Variants in PLCL2 observed in about 807,000 individuals in gnomAD.
PLCL2 encodes the protein phospholipase C like 2.
A neutral mutation model predicts 79.6 loss-of-function variants in PLCL2; 4 were observed. The ratio of observed to expected loss-of-function variants is 0.05; its 90% CI spans 0.02 to 0.11. The LOEUF (loss-of-function observed/expected upper bound fraction) is 0.11, where lower values mean the gene tolerates loss of function less well. Among genes scored for constraint, PLCL2 ranks in the 10% least tolerant of loss-of-function variants. The pLI is 1.00. For missense variants in PLCL2, 895 were observed against 1,291.0 expected, an observed-to-expected ratio of 0.69 and a Z score of 4.70; for synonymous variants, 484 against 457.7, an observed-to-expected ratio of 1.06 and a Z score of -0.73.
intron 4 of PLCL2, among the ~76,000 whole-genome samples, chr3:17,050,945 A>G (rs115193752): frequency 0.011 from 1,646 of 152,344 alleles, 32 homozygotes; most frequent in African/African-American, 0.038. Flanking sequence ...CTTATACACA[A>G]TGGAGTGCTA....
chr3:17,038,504 A>G (rs903982810), intron 3 of PLCL2, among the ~76,000 whole-genome samples: 2 of 152,172 alleles, frequency 1.3e-5, no homozygotes, highest in Non-Finnish European at 2.9e-5. Context: ...AACAAGATAA[A>G]GTAGTTTTTT....
chr3:16,938,935 C>T (rs76233581), intron 1 of PLCL2, among the ~76,000 whole-genome samples: 3,175 of 152,320 alleles, frequency 0.021, 54 homozygotes, highest in South Asian at 0.043. Flanking sequence ...ATATTAGTTT[C>T]ATTTCTGACT....
At chr3:16,995,647 T>C (rs2124998819) in intron 1 of PLCL2, among the ~76,000 whole-genome samples, 1 of 152,370 alleles carries the variant, frequency 6.6e-6, no homozygotes, top group South Asian at 2.1e-4. Flanking sequence ...ACCATTTTGA[T>C]TTTAGCACTT....
At chr3:16,899,639 A>T (rs1296436265) in intron 1 of PLCL2, among the ~76,000 whole-genome samples, 1 of 152,022 alleles carries the variant, frequency 6.6e-6, no homozygotes, top group Non-Finnish European at 1.5e-5. Flanking sequence ...GATTTCTTGT[A>T]TGTCTTTTCG....
chr3:17,078,255 A>T (rs1559541867), intron 5 of PLCL2, among the ~76,000 whole-genome samples: 1 of 152,180 alleles, frequency 6.6e-6, no homozygotes, highest in Non-Finnish European at 1.5e-5. Flanking sequence ...CCACTGCAAA[A>T]CTAGTGGCTT....
intron 3 of PLCL2, among the ~76,000 whole-genome samples, chr3:17,024,166 G>A (rs1296421573): frequency 2.0e-5 from 3 of 152,162 alleles, no homozygotes; most frequent in Admixed American, 2.0e-4. Flanking sequence ...AAGAACAGTG[G>A]AGCCAAATTG....
intron 1 of PLCL2, among the ~76,000 whole-genome samples, chr3:16,935,894 T>C (rs530257760): frequency 6.6e-6 from 1 of 152,340 alleles, no homozygotes; most frequent in South Asian, 2.1e-4. Context: ...TTGTAAAATA[T>C]TGCCAATGGT....
rs2064294936 is a variant in PLCL2 at position 17,009,242 on chromosome 3, T to A, written c.328-432T>A. 6.6e-6 allele frequency among the ~76,000 whole-genome samples: 1 copy of A among 151,642 alleles called. No homozygotes were observed. The highest frequency in any genetic ancestry group is 6.6e-5 in the Admixed American group (1 of 15,234). On this transcript the variant is annotated intron_variant, in intron 1 of 5. Transcript: ENST00000615277. The surrounding 1 kb of genome is among the most constrained non-coding windows in gnomAD (Gnocchi z 4.0). ...TTGGGTGATCTGCCCCTTCTTGGCC[T>A]CCCAAAGTGCTGGGATTACAGGCAT...
intron 1 of PLCL2, among the ~76,000 whole-genome samples, chr3:16,940,467 C>T (rs553291244): frequency 6.6e-5 from 10 of 152,174 alleles, no homozygotes; most frequent in Non-Finnish European, 1.0e-4. Context: ...TAAAATAGAC[C>T]TTGCAACAGT....
rs551174280 is a variant in PLCL2, at chr3:17,083,128, G to A, written c.3205-6605G>A. 8.7e-4 allele frequency among the ~76,000 whole-genome samples: 133 copies of A among 152,176 alleles called. 1 individual carries two copies. The highest frequency in any genetic ancestry group is 2.7e-3 in the African/African-American group (114 of 41,530). ...GACAGACAATAAACCAAGCAGTAGA[G>A]TATGGCAATAGGTGTTATGGAAAAA... On this transcript the variant is annotated intron_variant, in intron 5 of 5. Coordinates refer to ENST00000615277, the MANE Select transcript of PLCL2 (RefSeq NM_001144382.2).
chr3:16,948,478 A>G (rs1404989719), intron 1 of PLCL2, among the ~76,000 whole-genome samples: 1 of 152,228 alleles, frequency 6.6e-6, no homozygotes, highest in African/African-American at 2.4e-5. Flanking sequence ...TGAATATACT[A>G]AAAGTCATTG....
At chr3:17,015,352 A>G (rs1420086095) in intron 3 of PLCL2, among the ~76,000 whole-genome samples, 2 of 152,204 alleles carry the variant, frequency 1.3e-5, no homozygotes, top group Non-Finnish European at 2.9e-5. Context: ...ATGACTCTGC[A>G]CTAGGCTATG....
rs375881568 is a variant in PLCL2, at chr3:16,929,229, A to G, written c.327+43863A>G. 2.0e-5 allele frequency among the ~76,000 whole-genome samples: 3 copies of G among 152,126 alleles called. No homozygotes were observed. In the South Asian group the frequency reaches 6.2e-4, roughly 32 times the overall value. ...GGGAATGGGCTACAGGGAGGAGGAA[A>G]GAAACTGCTCTGCACTAGGACTTGT... On this transcript the variant is annotated intron_variant, in intron 1 of 5. Coordinates refer to ENST00000615277, the MANE Select transcript of PLCL2 (RefSeq NM_001144382.2).
intron 1 of PLCL2, among the ~76,000 whole-genome samples, chr3:16,950,690 T>A (rs1387571308): frequency 6.6e-6 from 1 of 152,134 alleles, no homozygotes; most frequent in Non-Finnish European, 1.5e-5. Context: ...ATTCTCTTTT[T>A]CAGATTAAAG....
chr3:17,014,709 A>G lies in PLCL2; in HGVS notation c.2816A>G (p.Asn939Ser), dbSNP rs1323831325. 1 of 1,611,402 alleles carries G rather than the reference A, an allele frequency of 6.2e-7. No homozygotes were observed. The highest frequency in any genetic ancestry group is 1.3e-5 in the African/African-American group (1 of 75,014). Residue 939 changes from asparagine (N) to serine (S), a missense_variant and splice_region_variant, in exon 3 of 6, where the codon AAT becomes AGT. Asn to Ser is a conservative substitution (Grantham distance 46). Around this residue, in one of 6 missense-constraint regions of PLCL2, gnomAD observed 298 missense variants for 459.6 expected, o/e 0.65. Transcript: ENST00000615277. ...TGCTCCTTTCATTCCATTTAACAGA[A>G]TGCGGTGGTGTCATTCAAGGAGCTG... is the stretch of plus-strand genomic sequence containing the variant. ...DATDLRENMQ[N>S]AVVSFKELCG...
At chr3:16,888,307 A>G (rs1696270741) in intron 1 of PLCL2, among the ~76,000 whole-genome samples, 2 of 152,270 alleles carry the variant, frequency 1.3e-5, no homozygotes, top group South Asian at 4.1e-4. Context: ...TTGTAAAACA[A>G]TATTTTCTGC....
intron 1 of PLCL2, among the ~76,000 whole-genome samples, chr3:16,941,525 A>G (rs1055059404): frequency 1.3e-5 from 2 of 152,130 alleles, no homozygotes; most frequent in African/African-American, 2.4e-5. Context: ...CTGTCACAGT[A>G]TGTGCTGTGA....
chr3:17,072,126 T>A (rs2065065758), intron 5 of PLCL2, among the ~76,000 whole-genome samples: 1 of 152,014 alleles, frequency 6.6e-6, no homozygotes, highest in Non-Finnish European at 1.5e-5. Context: ...CACGCCTGAC[T>A]GATAGAATTC....
rs1163756974 is a variant in PLCL2 at position 17,011,238 on chromosome 3, A to G, written c.1892A>G (p.Lys631Arg). Residue 631 changes from lysine (K) to arginine (R), a missense_variant, in exon 2 of 6, where the codon AAA becomes AGA. Lys to Arg is a conservative substitution (Grantham distance 26). Around this residue, in one of 6 missense-constraint regions of PLCL2, gnomAD observed 242 missense variants for 399.5 expected, o/e 0.61. Coordinates refer to ENST00000615277, the MANE Select transcript of PLCL2 (RefSeq NM_001144382.2). This position sits in a 1 kb window ranked among gnomAD's most constrained non-coding sequence, Gnocchi z 7.9. ...LVSICKSVQF[K>R]EFQVSFQVQK... ...AGCATCTGCAAATCAGTTCAGTTCA[A>G]AGAATTTCAGGTGTCGTTTCAGGTT... The G allele has an allele frequency of 1.2e-6, 2 of 1,614,230 alleles. No individual in the cohort carries two copies. The highest frequency in any genetic ancestry group is 8.5e-7 in the Non-Finnish European group (1 of 1,180,034).
Sources: gnomAD v4.1 joint callset for allele counts (sites outside exome capture counted in the v4.1 genomes callset) on GRCh38, gnomAD v4.1.1 for gene constraint, gnomAD v4.1.1 regional missense constraint, Gnocchi (gnomAD v3.1) non-coding constraint, MANE v1.5 for transcripts, NCBI Gene and HGNC (gene_info 2026-07-23, HGNC 2026-07-21) for gene names.